DACH1: variants seen among roughly 807,000 people sequenced by gnomAD.
DACH1 encodes dachshund family transcription factor 1.
In DACH1, 12 loss-of-function variants were observed where a neutral mutation model predicts 54.2. That is an observed-to-expected ratio of 0.22 (90% CI 0.14 to 0.36). DACH1 has a LOEUF of 0.36. DACH1 is among the 10% of genes least tolerant of loss of function. The pLI is 1.00. For synonymous variants in DACH1, 386 were observed against 366.2 expected, an observed-to-expected ratio of 1.05 and a Z score of -0.62; for missense variants, 805 against 929.8, an observed-to-expected ratio of 0.87 and a Z score of 1.75.
chr13:71,866,557 G>C lies in DACH1; in HGVS notation c.213C>G (p.Thr71=), dbSNP rs1874825398. The C allele has an allele frequency of 1.6e-6, 2 of 1,256,932 alleles. No homozygotes were observed. The highest frequency in any genetic ancestry group is 7.8e-5 in the South Asian group (2 of 25,722). 77.9% of individuals were successfully genotyped at this position (1,256,932 alleles called of 1,614,324 possible). The change falls in exon 1 of 11, where the codon ACC becomes ACG. Residue 71 remains threonine, a synonymous_variant. Transcript: ENST00000613252. ...ASAAAAAATV[T]STGGGGGGGG... The stretch of plus-strand genomic sequence containing the variant: ...CGCCGCCGCCGCCGCCGCCGGTAGA[G>C]GTGACTGTGGCCGCCGCCGCCGCCG...
chr13:71,674,440 TACACACAC>T (rs57078245), intron 2 of DACH1, among the ~76,000 whole-genome samples: 8,076 of 140,704 alleles, frequency 0.057, 237 homozygotes, highest in Middle Eastern at 0.11. Flanking sequence ...AGGGAGATTT[TACACACAC>T]ACACACACAC....
intron 1 of DACH1, among the ~76,000 whole-genome samples, chr13:71,691,106 T>C (rs1474365010): frequency 6.6e-6 from 1 of 152,218 alleles, no homozygotes; most frequent in Admixed American, 6.5e-5. Context: ...TTCAATGGCA[T>C]ATGCGAAGAA....
chr13:71,691,223 T>G (rs949976386), intron 1 of DACH1, among the ~76,000 whole-genome samples: 3 of 152,192 alleles, frequency 2.0e-5, no homozygotes, highest in Admixed American at 6.5e-5. Flanking sequence ...CAAAATAATA[T>G]CCAACTTTCC....
At chr13:71,495,987 C>A (rs1386185542) in intron 6 of DACH1, among the ~76,000 whole-genome samples, 1 of 151,996 alleles carries the variant, frequency 6.6e-6, no homozygotes, top group Non-Finnish European at 1.5e-5. Context: ...AATCCCAGCA[C>A]TTTGGGAGTC....
In DACH1 at chr13:71,735,514, T is replaced by TGTATATGGGATATACAC. The variant is rs1476610021; in HGVS notation, c.849-53621_849-53605dup. On this transcript the variant is annotated intron_variant, in intron 1 of 10. Transcript: ENST00000613252. ...GATATACACGTATACGGGATATACG[T>TGTATATGGGATATACAC]GTATATGGGATATACACGTATATGG... Among the ~76,000 whole-genome samples, 34 of 21,622 alleles carry TGTATATGGGATATACAC rather than the reference T, an allele frequency of 1.6e-3. 6 individuals are homozygous for TGTATATGGGATATACAC. The highest frequency in any genetic ancestry group is 2.1e-3 in the African/African-American group (33 of 15,962). The allele number at this position is 21,622 out of a possible 152,430, so 14.2% of individuals were successfully genotyped here. A position where few individuals can be genotyped will look rare whatever the true frequency, so the allele number is the denominator to read the frequency against.
intron 8 of DACH1, 53 bp downstream of exon 8, chr13:71,479,116 A>C: frequency 6.8e-7 from 1 of 1,476,180 alleles, no homozygotes; most frequent in Non-Finnish European, 9.2e-7. Flanking sequence ...CATAGTATTA[A>C]TATGTTTAAT....
intron 7 of DACH1, among the ~76,000 whole-genome samples, chr13:71,486,415 T>C (rs1878509322): frequency 6.6e-6 from 1 of 152,130 alleles, no homozygotes; most frequent in Non-Finnish European, 1.5e-5. Flanking sequence ...AGCAATCACA[T>C]TTATACTGTA....
intron 10 of DACH1, among the ~76,000 whole-genome samples, chr13:71,444,457 C>T (rs1282292099): frequency 6.6e-6 from 1 of 151,986 alleles, no homozygotes; most frequent in African/African-American, 2.4e-5. Context: ...ACAGAGGGAA[C>T]CGAGACCTTG....
intron 4 of DACH1, among the ~76,000 whole-genome samples, chr13:71,565,198 T>C (rs1884830486): frequency 6.6e-6 from 1 of 152,118 alleles, no homozygotes; most frequent in Non-Finnish European, 1.5e-5. Flanking sequence ...TGAGCCACCG[T>C]GCCCAGCCTA....
chr13:71,481,679 A>T (rs1394110101), intron 7 of DACH1, among the ~76,000 whole-genome samples: 3 of 152,202 alleles, frequency 2.0e-5, no homozygotes, highest in Admixed American at 1.3e-4. Context: ...TCTGTACTAG[A>T]GCCAAACTGA....
intron 2 of DACH1, among the ~76,000 whole-genome samples, chr13:71,640,386 A>G (rs1877809236): frequency 6.6e-6 from 1 of 152,052 alleles, no homozygotes; most frequent in Admixed American, 6.6e-5. Flanking sequence ...TATGCACAAA[A>G]CTTTTAACCT....
At chr13:71,631,935 CA>C (rs1042681276) in intron 2 of DACH1, among the ~76,000 whole-genome samples, 1 of 151,870 alleles carries the variant, frequency 6.6e-6, no homozygotes, top group Non-Finnish European at 1.5e-5. Flanking sequence ...CCCCTCTCTA[CA>C]AAAAATACAA....
At chr13:71,567,093 C>G (rs778251483) in intron 4 of DACH1, among the ~76,000 whole-genome samples, 5 of 151,914 alleles carry the variant, frequency 3.3e-5, no homozygotes, top group Non-Finnish European at 7.4e-5. Context: ...CAGCGTTTTT[C>G]AATGTTTAAT....
At chr13:71,741,697 T>C (rs529852742) in intron 1 of DACH1, among the ~76,000 whole-genome samples, 2 of 152,222 alleles carry the variant, frequency 1.3e-5, no homozygotes, top group Non-Finnish European at 2.9e-5. Flanking sequence ...TAAACAGATA[T>C]AATGGATAAA....
In DACH1 at chr13:71,815,951, A is replaced by G. The variant is rs551309616; in HGVS notation, c.848+49971T>C. ...ATACAAAAAATTAGCCGGGCGTGGT[A>G]GCGGGCGCCTGTAGTCCCAGCTACT... On this transcript the variant is annotated intron_variant, in intron 1 of 10. Coordinates refer to ENST00000613252, the MANE Select transcript of DACH1 (RefSeq NM_080759.6). 1.6e-3 allele frequency among the ~76,000 whole-genome samples: 245 copies of G among 151,724 alleles called. 2 individuals are homozygous for G. In the East Asian group the frequency reaches 0.03, roughly 18 times the overall value.
intron 6 of DACH1, among the ~76,000 whole-genome samples, chr13:71,542,500 C>T (rs1350063236): frequency 1.3e-5 from 2 of 151,948 alleles, no homozygotes; most frequent in African/African-American, 4.8e-5. Context: ...ATACATGTGT[C>T]GATAGCTGAC....
intron 1 of DACH1, among the ~76,000 whole-genome samples, chr13:71,850,561 A>G (rs1459433994): frequency 6.6e-6 from 1 of 152,234 alleles, no homozygotes; most frequent in Non-Finnish European, 1.5e-5. Context: ...GTATAAAGTC[A>G]ATAAGAAACT....
chr13:71,697,529 C>T (rs1206619931), intron 1 of DACH1, among the ~76,000 whole-genome samples: 2 of 152,188 alleles, frequency 1.3e-5, no homozygotes, highest in African/African-American at 4.8e-5. Flanking sequence ...AATTTTTCAA[C>T]TTATAGCAAT....
At chr13:71,468,357 A>C (rs1374971718) in intron 10 of DACH1, among the ~76,000 whole-genome samples, 1 of 152,130 alleles carries the variant, frequency 6.6e-6, no homozygotes, top group Non-Finnish European at 1.5e-5. Flanking sequence ...TGACCTTTTG[A>C]GGTTAAGCTA....
Sources: allele counts gnomAD v4.1 joint callset (sites outside exome capture counted in the v4.1 genomes callset), GRCh38; gene constraint gnomAD v4.1.1; transcripts MANE v1.5; gene names NCBI Gene and HGNC (gene_info 2026-07-23, HGNC 2026-07-21).